RAD51B: variants seen among roughly 807,000 people sequenced by gnomAD.
RAD51B encodes the protein DNA repair protein RAD51 homolog 2.
A neutral mutation model predicts 42.2 loss-of-function variants in RAD51B; 38 were observed. That is an observed-to-expected ratio of 0.90 (90% CI 0.70 to 1.18). The LOEUF (loss-of-function observed/expected upper bound fraction) is 1.18, where lower values mean the gene tolerates loss of function less well. Among genes scored for constraint, RAD51B ranks in the 50% most tolerant of loss-of-function variants. RAD51B has a pLI of 0.00. For synonymous variants in RAD51B, 154 were observed against 145.2 expected (o/e 1.06, Z -0.43); for missense variants, 373 against 400.7 (o/e 0.93, Z 0.59).
At chr14:67,928,586 G>A (rs919709434) in intron 7 of RAD51B, among the ~76,000 whole-genome samples, 23 of 151,904 alleles carry the variant, frequency 1.5e-4, no homozygotes, top group African/African-American at 5.3e-4. Context: ...TCCTGAACAC[G>A]TGTGAGTTAT....
At chr14:67,823,428 A>C in intron 1 of RAD51B, 114 bp from the exon 2 acceptor site, 1 of 711,346 alleles carries the variant, frequency 1.4e-6, no homozygotes, top group Non-Finnish European at 2.3e-6. Flanking sequence ...TTCATTTTGC[A>C]TATGGAGAAA....
chr14:67,905,439 C>T (rs4902533), intron 7 of RAD51B, among the ~76,000 whole-genome samples: 63,732 of 151,772 alleles, frequency 0.42, 14,563 homozygotes, highest in African/African-American at 0.57. Flanking sequence ...GGTTTTTTTC[C>T]AATTCTGTGA....
At chr14:68,406,432 C>G (rs1416722282) in intron 8 of RAD51B, among the ~76,000 whole-genome samples, 1 of 152,118 alleles carries the variant, frequency 6.6e-6, no homozygotes, top group Non-Finnish European at 1.5e-5. Context: ...ATTTGTGTAT[C>G]TAAACACATC....
intron 7 of RAD51B, among the ~76,000 whole-genome samples, chr14:68,290,008 C>A (rs2081485115): frequency 6.6e-6 from 1 of 152,206 alleles, no homozygotes; most frequent in Non-Finnish European, 1.5e-5. Flanking sequence ...TAATTCATTT[C>A]TTTACCTGAC....
chr14:68,005,045 GTTTTTTTTTTTTTT>G (rs753867497), intron 7 of RAD51B, among the ~76,000 whole-genome samples: 4 of 79,504 alleles, frequency 5.0e-5, no homozygotes, highest in Admixed American at 1.5e-4. Context: ...GTGTGTGTGT[GTTTTTTTTTTTTTT>G]TTTTTTTTTT....
intron 10 of RAD51B, among the ~76,000 whole-genome samples, chr14:68,548,820 G>T (rs530956854): frequency 1.4e-4 from 21 of 152,238 alleles, no homozygotes; most frequent in African/African-American, 4.6e-4. Flanking sequence ...GGGGCTGCCC[G>T]AGGCCTCTGA....
chr14:67,980,972 A>G (rs1233724486), intron 7 of RAD51B, among the ~76,000 whole-genome samples: 3 of 152,232 alleles, frequency 2.0e-5, no homozygotes, highest in Non-Finnish European at 2.9e-5. Flanking sequence ...TTTGCAAAAC[A>G]TATTATGATA....
At chr14:68,376,405 CT>C (rs2083371082) in intron 8 of RAD51B, among the ~76,000 whole-genome samples, 1 of 152,192 alleles carries the variant, frequency 6.6e-6, no homozygotes, top group African/African-American at 2.4e-5. Context: ...CAGCTTGAGT[CT>C]TGTCCTCAGC....
intron 10 of RAD51B, among the ~76,000 whole-genome samples, chr14:68,544,674 C>T (rs1213819174): frequency 6.6e-6 from 1 of 152,126 alleles, no homozygotes; most frequent in Non-Finnish European, 1.5e-5. Flanking sequence ...GACCAGGTGA[C>T]CATGTGTGAA....
At chr14:67,991,387 T>C (rs1414852926) in intron 7 of RAD51B, among the ~76,000 whole-genome samples, 2 of 152,238 alleles carry the variant, frequency 1.3e-5, no homozygotes, top group African/African-American at 4.8e-5. Flanking sequence ...GAGATTAACC[T>C]AATTTCCTTC....
intron 10 of RAD51B, among the ~76,000 whole-genome samples, chr14:68,520,078 T>C (rs1324682784): frequency 1.3e-5 from 2 of 151,916 alleles, no homozygotes; most frequent in East Asian, 3.9e-4. Flanking sequence ...AGCTGGGGTT[T>C]GGACCCCAAT....
intron 10 of RAD51B, among the ~76,000 whole-genome samples, chr14:68,620,268 C>T (rs1891918094): frequency 6.6e-6 from 1 of 152,180 alleles, no homozygotes; most frequent in East Asian, 1.9e-4. Context: ...CCCAGGAGTC[C>T]AGAGATTCCC....
intron 10 of RAD51B, among the ~76,000 whole-genome samples, chr14:68,609,686 A>G (rs1891599695): frequency 6.6e-6 from 1 of 152,152 alleles, no homozygotes; most frequent in Admixed American, 6.5e-5. Context: ...GGCTTCCCTT[A>G]GATGGCTTTC....
intron 7 of RAD51B, among the ~76,000 whole-genome samples, chr14:68,234,116 T>C (rs546337804): frequency 1.3e-5 from 2 of 152,260 alleles, no homozygotes; most frequent in South Asian, 4.1e-4. Flanking sequence ...TTGAGATGCA[T>C]ATCAGAAGTC....
At chr14:68,011,532 A>G (rs1249399335) in intron 7 of RAD51B, among the ~76,000 whole-genome samples, 2 of 152,042 alleles carry the variant, frequency 1.3e-5, no homozygotes, top group African/African-American at 4.8e-5. Context: ...TGTAGCTTTG[A>G]GTTTAGATGA....
intron 7 of RAD51B, among the ~76,000 whole-genome samples, chr14:68,192,982 T>A (rs1422340323): frequency 6.6e-6 from 1 of 152,228 alleles, no homozygotes; most frequent in Non-Finnish European, 1.5e-5. Context: ...GGTACACAGC[T>A]CTTTTCTTTG....
At chr14:68,374,924 G>A (rs2083335537) in intron 8 of RAD51B, among the ~76,000 whole-genome samples, 1 of 151,212 alleles carries the variant, frequency 6.6e-6, no homozygotes, top group South Asian at 2.1e-4. Flanking sequence ...GTTTCTCCTG[G>A]ATTATGCCCG....
At chr14:67,927,243 A>T (rs1035677960) in intron 7 of RAD51B, among the ~76,000 whole-genome samples, 1 of 152,110 alleles carries the variant, frequency 6.6e-6, no homozygotes, top group African/African-American at 2.4e-5. Context: ...CATATTTTAT[A>T]TATTTATGGG....
chr14:68,226,347 A>G (rs929436466), intron 7 of RAD51B, among the ~76,000 whole-genome samples: 1 of 152,198 alleles, frequency 6.6e-6, no homozygotes, highest in African/African-American at 2.4e-5. Context: ...ACGGAGCAAG[A>G]CTTCTTCACG....
Sources: gnomAD v4.1 joint callset for allele counts (sites outside exome capture counted in the v4.1 genomes callset) on GRCh38, gnomAD v4.1.1 for gene constraint, MANE v1.5 for transcripts, NCBI Gene and HGNC (gene_info 2026-07-23, HGNC 2026-07-21) for gene names.